The following XPO5 variants were observed in gnomAD, a reference collection of about 807,000 sequenced individuals.
The protein encoded by XPO5 is exportin-5.
XPO5 carries 46 observed loss-of-function variants against 160.6 expected under a neutral mutation model. That is an observed-to-expected ratio of 0.29 (90% CI 0.23 to 0.37). XPO5 has a LOEUF of 0.37. Among genes scored for constraint, XPO5 ranks in the 10% least tolerant of loss-of-function variants. XPO5 has a pLI of 1.00. For synonymous variants in XPO5, 537 were observed against 519.3 expected, an observed-to-expected ratio of 1.03 and a Z score of -0.46; for missense variants, 1,090 against 1,463.9, an observed-to-expected ratio of 0.74 and a Z score of 4.17.
Position 43,525,861 on chromosome 6 carries a change from C to T in XPO5, c.3044G>A (p.Gly1015Asp). The T allele has an allele frequency of 1.9e-6, 3 of 1,613,984 alleles. No homozygotes were observed. The highest frequency in any genetic ancestry group is 2.5e-6 in the Non-Finnish European group (3 of 1,179,888). The part of the protein sequence containing the change: ...PSAMAELTDL[G>D]KCLMKHEDVC... ...CACCTCATGCTTCATCAGACATTTG[C>T]CCAGGTCTGTAAGCTCTGCCATAGC... is the stretch of plus-strand genomic sequence containing the variant. Residue 1015 changes from glycine (G) to aspartate (D), a missense_variant, in exon 28 of 32, where the codon GGC becomes GAC. Physicochemically the swap from Gly to Asp is moderately conservative, Grantham distance 94. Transcript: ENST00000265351.
chr6:43,542,233 A>T (rs1432228033), intron 20 of XPO5, among the ~76,000 whole-genome samples: 1 of 152,142 alleles, frequency 6.6e-6, no homozygotes, highest in Non-Finnish European at 1.5e-5. Flanking sequence ...GTACTGTAAC[A>T]CTTGACTAGT....
chr6:43,547,978 G>A (rs1412982260), intron 18 of XPO5, among the ~76,000 whole-genome samples: 2 of 152,186 alleles, frequency 1.3e-5, no homozygotes, highest in Admixed American at 6.5e-5. Context: ...GCACAGATAA[G>A]TGTCTGTGTG....
chr6:43,526,549 G>A, intron 27 of XPO5, 136 bp downstream of exon 27: 2 of 957,556 alleles, frequency 2.1e-6, no homozygotes, highest in South Asian at 3.0e-5. Context: ...CACACAGCAA[G>A]AGGGCTGGTC....
intron 2 of XPO5, 105 bp from the exon 3 acceptor site, chr6:43,572,683 A>T: frequency 1.6e-6 from 2 of 1,224,852 alleles, no homozygotes; most frequent in Non-Finnish European, 2.4e-6. Context: ...GATTTCATTA[A>T]GAAATTATAC....
intron 12 of XPO5, among the ~76,000 whole-genome samples, chr6:43,557,566 A>G (rs1177817849): frequency 1.3e-5 from 2 of 152,192 alleles, no homozygotes; most frequent in Admixed American, 6.5e-5. Flanking sequence ...AAACAGAGAC[A>G]GAAAGTAGAT....
chr6:43,569,298 A>C (rs139497069), intron 5 of XPO5, among the ~76,000 whole-genome samples: 8,306 of 151,414 alleles, frequency 0.055, 384 homozygotes, highest in African/African-American at 0.11. Context: ...GTCTCAAAAA[A>C]AAAAAAACAA....
chr6:43,557,059 C>T (rs1762127227), intron 12 of XPO5, among the ~76,000 whole-genome samples: 1 of 145,214 alleles, frequency 6.9e-6, no homozygotes, highest in East Asian at 2.0e-4. Flanking sequence ...ACCTCAGAGG[C>T]AGAGGTTGCA....
intron 9 of XPO5, 196 bp downstream of exon 9, chr6:43,562,051 T>C (rs1433898557): frequency 4.5e-6 from 2 of 442,064 alleles, no homozygotes; most frequent in Non-Finnish European, 8.0e-6. Context: ...AACTATTTTA[T>C]TGTTAAAAGA....
At chr6:43,561,800 T>C (rs530908748) in intron 9 of XPO5, 1 of 155,562 alleles carries the variant, frequency 6.4e-6, no homozygotes, top group South Asian at 2.0e-4. Flanking sequence ...TAAGACTGAG[T>C]ATTAAATATT....
intron 1 of XPO5, 142 bp from the exon 2 acceptor site, chr6:43,573,743 C>G: frequency 1.0e-6 from 1 of 960,130 alleles, no homozygotes; most frequent in Non-Finnish European, 1.4e-6. Context: ...GATGGGTGGA[C>G]TACTTGAGTC....
At chr6:43,553,257 G>C (rs1795337239) in intron 14 of XPO5, 116 bp downstream of exon 14, 1 of 1,300,656 alleles carries the variant, frequency 7.7e-7, no homozygotes, top group African/African-American at 1.5e-5. Context: ...AGCTATGATT[G>C]TGCCACTGCA....
intron 31 of XPO5, 64 bp downstream of exon 31, chr6:43,524,407 T>TG (rs1288899984): frequency 6.5e-7 from 1 of 1,547,754 alleles, no homozygotes; most frequent in East Asian, 2.3e-5. Context: ...AGCTGGTTTA[T>TG]GGTTTGCCCA....
chr6:43,537,911 AC>A (rs1794439139), intron 20 of XPO5, among the ~76,000 whole-genome samples: 2 of 151,948 alleles, frequency 1.3e-5, no homozygotes, highest in Non-Finnish European at 2.9e-5. Flanking sequence ...TACTAAAAAT[AC>A]AAAAAATTAG....
chr6:43,560,311 G>GAA lies in XPO5; in HGVS notation c.1096-10_1096-9dup, dbSNP rs771450577. The GAA allele has an allele frequency of 9.2e-6, 13 of 1,417,662 alleles. No individual in the cohort carries two copies. Among genetic ancestry groups the GAA allele is most frequent in the Admixed American group, 2.3e-5 (1 of 44,008 alleles). 87.8% of individuals were successfully genotyped at this position (1,417,662 alleles called of 1,614,324 possible). ...AGTTGAAGAGCGTAGAAACTAAAGA[G>GAA]AAAAAAAAAAGAAAACGTCAAAGGA... On this transcript the variant is annotated splice_polypyrimidine_tract_variant and intron_variant, in intron 10 of 31. Coordinates refer to ENST00000265351, the MANE Select transcript of XPO5 (RefSeq NM_020750.3).
chr6:43,527,932 A>T (rs983808313), intron 25 of XPO5, among the ~76,000 whole-genome samples: 5 of 152,248 alleles, frequency 3.3e-5, no homozygotes, highest in Non-Finnish European at 7.3e-5. Flanking sequence ...ACATTACAGA[A>T]TTAAAATAAG....
chr6:43,575,282 A>G (rs1458234965), intron 1 of XPO5, among the ~76,000 whole-genome samples: 1 of 152,250 alleles, frequency 6.6e-6, no homozygotes, highest in Non-Finnish European at 1.5e-5. Flanking sequence ...GCATATAAGC[A>G]TAAGGGTACC....
chr6:43,536,781 A>AAACAAAC (rs1794354607), intron 20 of XPO5, among the ~76,000 whole-genome samples: 1 of 150,212 alleles, frequency 6.7e-6, no homozygotes, highest in African/African-American at 2.4e-5. Flanking sequence ...AAAAAAAAAA[A>AAACAAAC]AAAAAAAAAG....
intron 20 of XPO5, among the ~76,000 whole-genome samples, chr6:43,535,620 G>A (rs1030192803): frequency 2.0e-5 from 3 of 149,848 alleles, no homozygotes; most frequent in Non-Finnish European, 4.4e-5. Context: ...ACCATCCTGG[G>A]TAACATGGTG....
At position 43,522,924 on chromosome 6, in the gene XPO5, A is replaced by G. The variant is rs1793285791; in HGVS notation, c.*944T>C. 1 of 169,174 alleles carries G rather than the reference A, an allele frequency of 5.9e-6. No individual in the cohort carries two copies. The highest frequency in any genetic ancestry group is 1.2e-4 in the South Asian group (1 of 8,188). 10.5% of individuals were successfully genotyped at this position (169,174 alleles called of 1,614,324 possible). ...TGTGAAGGCATGTATTCTTTTGGAA[A>G]TGGCCTTTGAGAAAAGTAACCAGGG... On this transcript the variant is annotated 3_prime_UTR_variant, in exon 32 of 32. Transcript: ENST00000265351.
Sources: gnomAD v4.1 joint callset for allele counts (sites outside exome capture counted in the v4.1 genomes callset) on GRCh38, gnomAD v4.1.1 for gene constraint, MANE v1.5 for transcripts, NCBI Gene and HGNC (gene_info 2026-07-23, HGNC 2026-07-21) for gene names.